Variants in ITGB1 observed in about 807,000 individuals in gnomAD.
ITGB1 encodes integrin beta-1.
In ITGB1, 24 loss-of-function variants were observed where a neutral mutation model predicts 86.5. The ratio of observed to expected loss-of-function variants is 0.28; its 90% confidence interval spans 0.20 to 0.39. The LOEUF (loss-of-function observed/expected upper bound fraction) is 0.39, where lower values mean the gene tolerates loss of function less well. Ranked by LOEUF, ITGB1 falls within the 10% of genes least tolerant of loss-of-function variation. The pLI, the probability that ITGB1 is intolerant of heterozygous loss-of-function variation, is 1.00. For missense variants in ITGB1, 556 were observed against 946.9 expected, an observed-to-expected ratio of 0.59 and a Z score of 5.42; for synonymous variants, 323 against 316.8, an observed-to-expected ratio of 1.02 and a Z score of -0.21.
At chr10:32,957,224 A>C (rs1382293098) in intron 1 of ITGB1, among the ~76,000 whole-genome samples, 1 of 152,246 alleles carries the variant, frequency 6.6e-6, no homozygotes, top group Non-Finnish European at 1.5e-5. Flanking sequence ...AATGCAACTT[A>C]CTAATGATCA....
intron 6 of ITGB1, among the ~76,000 whole-genome samples, chr10:32,924,058 A>T (rs1415573919): frequency 6.6e-6 from 1 of 152,190 alleles, no homozygotes; most frequent in African/African-American, 2.4e-5. Flanking sequence ...CTAGCAAGCC[A>T]GCACACTGCT....
At chr10:32,924,890 C>G (rs2094960295) in intron 6 of ITGB1, among the ~76,000 whole-genome samples, 2 of 152,190 alleles carry the variant, frequency 1.3e-5, no homozygotes. Flanking sequence ...TCACAAGAGC[C>G]CTATGAGGTA....
At chr10:32,954,503 A>C (rs1455700873) in intron 1 of ITGB1, among the ~76,000 whole-genome samples, 1 of 152,180 alleles carries the variant, frequency 6.6e-6, no homozygotes, top group African/African-American at 2.4e-5. Context: ...CCCAAAATAA[A>C]TGCAATTTAT....
chr10:32,957,990 C>CGCTGGCG (rs1243163867), intron 1 of ITGB1, 155 bp downstream of exon 1: 3 of 150,772 alleles, frequency 2.0e-5, no homozygotes, highest in African/African-American at 7.3e-5. Context: ...AGCCCCCAAC[C>CGCTGGCG]GCTGGCGGCC....
At position 32,924,456 on chromosome 10, in the gene ITGB1, T is replaced by G. The variant is rs1334278352; in HGVS notation, c.787-716A>C. ...AATTTATTTAATACGTCTGTTTAGA[T>G]CTTCATAAGACAGTAAAATACTTTA... On this transcript the variant is annotated intron_variant, in intron 6 of 15. Transcript: ENST00000302278. 2.6e-5 allele frequency among the ~76,000 whole-genome samples: 4 copies of G among 152,224 alleles called. No individual in the cohort carries two copies. The East Asian group carries it at 7.7e-4, about 29-fold the overall frequency.
chr10:32,925,507 G>C (rs1214506012), intron 6 of ITGB1, among the ~76,000 whole-genome samples: 1 of 152,174 alleles, frequency 6.6e-6, no homozygotes, highest in African/African-American at 2.4e-5. Flanking sequence ...TGATGCCTCA[G>C]ATAATAACAT....
rs200325284 is a variant in ITGB1, at chr10:32,926,136, T to G, written c.548-27A>C. 8 of 1,435,542 alleles carry G rather than the reference T, an allele frequency of 5.6e-6. No individual in the cohort carries two copies. In the Admixed American group the frequency reaches 1.2e-4, roughly 21 times the overall value. The allele number at this position is 1,435,542 out of a possible 1,614,324, so 88.9% of individuals were successfully genotyped here. A position where few individuals can be genotyped will look rare whatever the true frequency, so the allele number is the denominator to read the frequency against. ...TGCCAAGAAAAAAATGGTACATAAA[T>G]GAATGAATGGATGGATAGATGGAAA... is the stretch of plus-strand genomic sequence containing the variant. On this transcript the variant is annotated intron_variant, in intron 5 of 15. Transcript: ENST00000302278.
intron 1 of ITGB1, among the ~76,000 whole-genome samples, chr10:32,957,240 A>G (rs2095054197): frequency 6.6e-6 from 1 of 152,226 alleles, no homozygotes; most frequent in Non-Finnish European, 1.5e-5. Context: ...GATCATACCA[A>G]TGAGTGCAAA....
intron 5 of ITGB1, among the ~76,000 whole-genome samples, chr10:32,927,677 C>T (rs2137219391): frequency 6.6e-6 from 1 of 152,184 alleles, no homozygotes; most frequent in East Asian, 1.9e-4. Flanking sequence ...GCCTGTAATC[C>T]CAGCTACTCG....
chr10:32,919,277 T>C (rs1178405324), intron 11 of ITGB1, among the ~76,000 whole-genome samples: 1 of 152,216 alleles, frequency 6.6e-6, no homozygotes, highest in Non-Finnish European at 1.5e-5. Flanking sequence ...GTATTCAATG[T>C]ATACTCAGTT....
At chr10:32,907,736 A>G (rs12358420) in intron 15 of ITGB1, among the ~76,000 whole-genome samples, 1,859 of 152,090 alleles carry the variant, frequency 0.012, 17 homozygotes, top group Non-Finnish European at 0.019. Context: ...GGGGTGTCCA[A>G]TCTTTTGGCT....
chr10:32,909,908 A>G (rs1419641064), intron 14 of ITGB1, among the ~76,000 whole-genome samples: 1 of 152,188 alleles, frequency 6.6e-6, no homozygotes, highest in Admixed American at 6.5e-5. Flanking sequence ...AAAATCATCA[A>G]TCATCAAAAA....
chr10:32,946,853 CT>C (rs201958296), intron 1 of ITGB1, among the ~76,000 whole-genome samples: 101 of 138,536 alleles, frequency 7.3e-4, no homozygotes, highest in East Asian at 2.8e-3. Context: ...GTAAAGACTT[CT>C]TTTTTTTTTT....
intron 5 of ITGB1, among the ~76,000 whole-genome samples, chr10:32,927,237 TG>T (rs1157983968): frequency 6.6e-6 from 1 of 152,216 alleles, no homozygotes; most frequent in Non-Finnish European, 1.5e-5. Context: ...GGCTAATTTT[TG>T]AAAGGCAGCT....
chr10:32,908,030 T>A (rs2094901993), intron 15 of ITGB1, among the ~76,000 whole-genome samples: 1 of 152,162 alleles, frequency 6.6e-6, no homozygotes, highest in Non-Finnish European at 1.5e-5. Context: ...AAGAAGCAGC[T>A]TTCCATTGAA....
intron 1 of ITGB1, among the ~76,000 whole-genome samples, chr10:32,947,735 T>C (rs2095034658): frequency 6.6e-6 from 1 of 152,190 alleles, no homozygotes; most frequent in African/African-American, 2.4e-5. Context: ...TGACAGCAGA[T>C]ATTTGTGGCA....
intron 11 of ITGB1, 24 bp from the exon 12 acceptor site, chr10:32,912,148 A>T (rs1443458225): frequency 6.3e-7 from 1 of 1,589,024 alleles, no homozygotes; most frequent in East Asian, 2.2e-5. Context: ...CCAAAATTGC[A>T]ATCACACAAA....
intron 1 of ITGB1, among the ~76,000 whole-genome samples, chr10:32,952,819 G>C (rs1327474761): frequency 6.6e-6 from 1 of 151,864 alleles, no homozygotes; most frequent in Non-Finnish European, 1.5e-5. Context: ...CTTCTCTGTG[G>C]TTCCAAAACA....
intron 11 of ITGB1, among the ~76,000 whole-genome samples, chr10:32,915,414 G>A (rs541476804): frequency 7.2e-5 from 11 of 152,154 alleles, no homozygotes; most frequent in South Asian, 2.1e-4. Flanking sequence ...TTGACAGACC[G>A]CTAGCAAGAC....
Sources: allele counts gnomAD v4.1 joint callset (sites outside exome capture counted in the v4.1 genomes callset), GRCh38; gene constraint gnomAD v4.1.1; transcripts MANE v1.5; gene names NCBI Gene and HGNC (gene_info 2026-07-23, HGNC 2026-07-21).